The following SIPA1L3 variants were observed in gnomAD, a reference collection of about 807,000 sequenced individuals.
The protein encoded by SIPA1L3 is signal-induced proliferation-associated 1-like protein 3.
In SIPA1L3, 59 loss-of-function variants were observed where a neutral mutation model predicts 150.1. That is an observed-to-expected ratio of 0.39 (90% CI 0.32 to 0.49). SIPA1L3 has a LOEUF of 0.49. Among genes scored for constraint, SIPA1L3 ranks in the 20% least tolerant of loss-of-function variants. The pLI, the probability that SIPA1L3 is intolerant of heterozygous loss-of-function variation, is 0.86. For missense variants in SIPA1L3, 2,211 were observed against 2,489.5 expected, an observed-to-expected ratio of 0.89 and a Z score of 2.38; for synonymous variants, 1,070 against 1,077.6, an observed-to-expected ratio of 0.99 and a Z score of 0.14.
intron 1 of SIPA1L3, among the ~76,000 whole-genome samples, chr19:37,975,792 A>T (rs1376708075): frequency 6.6e-6 from 1 of 151,676 alleles, no homozygotes; most frequent in Non-Finnish European, 1.5e-5. Flanking sequence ...TCTGGCTACC[A>T]CCCCCAGGAG....
chr19:38,112,122 CACAT>C (rs1244522870), intron 8 of SIPA1L3, among the ~76,000 whole-genome samples: 5 of 151,170 alleles, frequency 3.3e-5, no homozygotes, highest in South Asian at 4.2e-4. Context: ...TACATGCACA[CACAT>C]ACAGGTACAC....
At chr19:38,104,739 T>C (rs950856128) in intron 6 of SIPA1L3, among the ~76,000 whole-genome samples, 17 of 151,886 alleles carry the variant, frequency 1.1e-4, no homozygotes, top group African/African-American at 3.4e-4. Context: ...ACCCAACTAA[T>C]TGTGTACTTT....
intron 1 of SIPA1L3, among the ~76,000 whole-genome samples, chr19:38,025,443 T>C (rs1968486829): frequency 6.6e-6 from 1 of 152,200 alleles, no homozygotes; most frequent in African/African-American, 2.4e-5. Flanking sequence ...TAGCCCTCCT[T>C]TGCTGCCGTT....
chr19:38,099,819 C>A, intron 4 of SIPA1L3, 143 bp from the exon 5 acceptor site: 1 of 664,932 alleles, frequency 1.5e-6, no homozygotes, highest in Non-Finnish European at 2.4e-6. Flanking sequence ...CAAGTTCTGG[C>A]TCAGACTTAG....
chr19:38,028,418 A>G (rs1319746650), intron 1 of SIPA1L3, among the ~76,000 whole-genome samples: 1 of 151,994 alleles, frequency 6.6e-6, no homozygotes, highest in Admixed American at 6.6e-5. Flanking sequence ...GCTCTTTCCC[A>G]GGTAGTCACA....
At chr19:37,970,686 T>C (rs745358383) in intron 1 of SIPA1L3, among the ~76,000 whole-genome samples, 2 of 152,188 alleles carry the variant, frequency 1.3e-5, no homozygotes, top group Non-Finnish European at 2.9e-5. Context: ...GGCTGTGCCG[T>C]GGATGGGTGG....
At chr19:38,084,548 TAAAAA>T (rs60242010) in intron 3 of SIPA1L3, among the ~76,000 whole-genome samples, 7 of 93,520 alleles carry the variant, frequency 7.5e-5, no homozygotes, top group Non-Finnish European at 1.4e-4. Context: ...GGGCTTTTCT[TAAAAA>T]AAAAAAAAAA....
intron 9 of SIPA1L3, among the ~76,000 whole-genome samples, chr19:38,120,387 G>A (rs564432035): frequency 6.6e-6 from 1 of 152,132 alleles, no homozygotes; most frequent in East Asian, 1.9e-4. Flanking sequence ...TGGGAGGATT[G>A]TTTGAGCCCA....
In SIPA1L3 at chr19:38,206,533, A is replaced by G. The variant is rs962612020; in HGVS notation, c.*293A>G. 1.0e-5 allele frequency: 3 copies of G among 298,202 alleles called. No homozygotes were observed. Among genetic ancestry groups the G allele is most frequent in the African/African-American group, 2.2e-5 (1 of 46,052 alleles). 18.5% of individuals were successfully genotyped at this position (298,202 alleles called of 1,614,324 possible). A position where few individuals can be genotyped will look rare whatever the true frequency, so the allele number is the denominator to read the frequency against. On this transcript the variant is annotated 3_prime_UTR_variant, in exon 22 of 22. Transcript: ENST00000222345. The stretch of plus-strand genomic sequence containing the variant: ...CTCCCGGGCCTGCCCCGCTGTCCCC[A>G]TCTAGCCTCTTCCTGGGACCAGCCC...
chr19:38,182,746 T>C lies in SIPA1L3; in HGVS notation c.4430+6T>C. 1 of 1,605,704 alleles carries C rather than the reference T, an allele frequency of 6.2e-7. No homozygotes were observed. The highest frequency in any genetic ancestry group is 8.5e-7 in the Non-Finnish European group (1 of 1,175,624). Reference sequence around the variant, plus strand: ...CCCTTCAGTGACCCAAAGAAGTAAGTGCCTGGACGTCCAGCGAGGCGCCCG... The same window carrying C: ...CCCTTCAGTGACCCAAAGAAGTAAGCGCCTGGACGTCCAGCGAGGCGCCCG... On this transcript the variant is annotated splice_donor_region_variant and intron_variant, in intron 16 of 21. Transcript: ENST00000222345.
Position 38,182,720 on chromosome 19 carries a change from C to T in SIPA1L3, c.4410C>T (p.Leu1470=), listed in dbSNP as rs758089132. ...CGGAGGAGCCCCCACCACGGCCACTCCCCTTCAGTGACCCAAAGAAGTAAG... is the reference window on the plus strand; with the variant it reads ...CGGAGGAGCCCCCACCACGGCCACTTCCCTTCAGTGACCCAAAGAAGTAAG... The part of the protein sequence containing the change: ...KRTEEPPPRP[L]PFSDPKKQVD... The change falls in exon 16 of 22, where the codon CTC becomes CTT. Residue 1470 remains leucine (L), a synonymous_variant. Coordinates refer to ENST00000222345, the MANE Select transcript of SIPA1L3 (RefSeq NM_015073.3). 27 of 1,613,062 alleles carry T rather than the reference C, an allele frequency of 1.7e-5. No homozygotes were observed. The highest frequency in any genetic ancestry group is 5.1e-6 in the Non-Finnish European group (6 of 1,179,532).
chr19:37,940,851 G>C (rs1041211199), intron 1 of SIPA1L3, among the ~76,000 whole-genome samples: 2 of 151,972 alleles, frequency 1.3e-5, no homozygotes, highest in African/African-American at 4.8e-5. Flanking sequence ...TAAAGTGCTG[G>C]GATTGCAGGA....
intron 1 of SIPA1L3, among the ~76,000 whole-genome samples, chr19:38,028,844 C>G (rs891747356): frequency 1.3e-5 from 2 of 152,056 alleles, no homozygotes; most frequent in Non-Finnish European, 2.9e-5. Context: ...AGGCGCCCAC[C>G]ACCACGCCCG....
intron 9 of SIPA1L3, among the ~76,000 whole-genome samples, chr19:38,123,300 G>A (rs1307257923): frequency 6.7e-5 from 10 of 149,952 alleles, no homozygotes; most frequent in South Asian, 4.3e-4. Flanking sequence ...TCATTCTTGG[G>A]TGTTTCTCAC....
At chr19:37,974,105 C>G (rs1039983430) in intron 1 of SIPA1L3, among the ~76,000 whole-genome samples, 4 of 152,148 alleles carry the variant, frequency 2.6e-5, no homozygotes, top group Non-Finnish European at 5.9e-5. Context: ...AACAGCTGGA[C>G]TTTATTGAGC....
In SIPA1L3 at chr19:38,142,621, C is replaced by T. The variant is rs775568810; in HGVS notation, c.3444C>T (p.Ala1148=). Residue 1148 remains alanine (A), a synonymous_variant, in exon 12 of 22, where the codon GCC becomes GCT. Transcript: ENST00000222345. ...CTTACACAGTATCACCAGCAGGGGC[C>T]GACAGAGTCCCTCCCTACCGACAGC... The part of the protein sequence containing the change: ...ETPYTVSPAG[A]DRVPPYRQPS... The T allele has an allele frequency of 1.5e-5, 24 of 1,614,002 alleles. No homozygotes were observed. In the East Asian group the frequency reaches 1.6e-4, roughly 10 times the overall value.
chr19:38,091,872 A>G (rs1970266674), intron 4 of SIPA1L3, among the ~76,000 whole-genome samples: 1 of 152,086 alleles, frequency 6.6e-6, no homozygotes, highest in Admixed American at 6.6e-5. Context: ...AGACTGGCCA[A>G]CATGGCGAAA....
At chr19:38,175,845 G>T (rs1331101631) in intron 15 of SIPA1L3, among the ~76,000 whole-genome samples, 1 of 152,182 alleles carries the variant, frequency 6.6e-6, no homozygotes, top group African/African-American at 2.4e-5. Context: ...CCCACACTAT[G>T]CTGCCCCAGT....
chr19:38,186,743 C>A (rs1332269750), intron 16 of SIPA1L3, among the ~76,000 whole-genome samples: 4 of 151,104 alleles, frequency 2.6e-5, no homozygotes, highest in East Asian at 2.0e-4. Flanking sequence ...GTAATCCCAG[C>A]ACTTTGGGAG....
Sources: allele counts gnomAD v4.1 joint callset (sites outside exome capture counted in the v4.1 genomes callset), GRCh38; gene constraint gnomAD v4.1.1; transcripts MANE v1.5; gene names NCBI Gene and HGNC (gene_info 2026-07-23, HGNC 2026-07-21).